The following CDC25C variants were observed in gnomAD, a reference collection of about 807,000 sequenced individuals.
CDC25C encodes the protein cell division cycle 25C, also known as M-phase inducer phosphatase 3.
A neutral mutation model predicts 52.5 loss-of-function variants in CDC25C; 48 were observed. The ratio of observed to expected loss-of-function variants is 0.91; its 90% CI spans 0.72 to 1.16. CDC25C has a LOEUF of 1.16. Ranked by LOEUF, CDC25C falls within the 50% of genes most tolerant of loss-of-function variation. The pLI is 0.00. For missense variants in CDC25C, 510 were observed against 566.1 expected (o/e 0.90, Z 1.01); for synonymous variants, 187 against 206.5 (o/e 0.91, Z 0.81).
intron 3 of CDC25C, 93 bp downstream of exon 3, chr5:138,329,460 T>A (rs1195564632): frequency 1.4e-5 from 12 of 831,806 alleles, no homozygotes; most frequent in Non-Finnish European, 2.4e-5. Flanking sequence ...ATTCTTTTTA[T>A]ACTTTCACCA....
chr5:138,301,127 T>C (rs982853087), intron 7 of CDC25C, among the ~76,000 whole-genome samples: 1 of 152,020 alleles, frequency 6.6e-6, no homozygotes, highest in African/African-American at 2.4e-5. Flanking sequence ...ATCAATGGAA[T>C]AGAAAACAGA....
chr5:138,312,027 T>C (rs1413565799), intron 7 of CDC25C, among the ~76,000 whole-genome samples: 3 of 152,156 alleles, frequency 2.0e-5, no homozygotes, highest in African/African-American at 7.2e-5. Flanking sequence ...ATCAGATGGA[T>C]AGTATCAAAA....
chr5:138,296,132 T>C (rs1249459343), intron 7 of CDC25C, among the ~76,000 whole-genome samples: 1 of 152,238 alleles, frequency 6.6e-6, no homozygotes, highest in African/African-American at 2.4e-5. Context: ...GTCACTTCTC[T>C]AGCCACATTA....
chr5:138,313,104 G>A (rs1389384752), intron 7 of CDC25C, among the ~76,000 whole-genome samples: 1 of 151,936 alleles, frequency 6.6e-6, no homozygotes, highest in Non-Finnish European at 1.5e-5. Flanking sequence ...GGGGCCAGGT[G>A]CAGTGGCTCA....
upstream of CDC25C, among the ~76,000 whole-genome samples, chr5:138,332,512 A>G (rs1240568389): frequency 6.6e-6 from 1 of 152,202 alleles, no homozygotes; most frequent in Non-Finnish European, 1.5e-5. Flanking sequence ...TCCTTATCGC[A>G]ATCCAGAGGA....
At chr5:138,338,263 C>T (rs748658598) in exon 1 of CDC25C, 2 of 1,013,530 alleles carry the variant, frequency 2.0e-6, no homozygotes, top group Non-Finnish European at 2.7e-6. Flanking sequence ...GAACCGAGCG[C>T]TCAGAGCTGC....
chr5:138,298,226 C>G (rs534121005), intron 7 of CDC25C, among the ~76,000 whole-genome samples: 1 of 150,698 alleles, frequency 6.6e-6, no homozygotes, highest in Non-Finnish European at 1.5e-5. Context: ...GTTGTGAACT[C>G]CTGGGGCTCA....
At chr5:138,292,387 C>T (rs1756807839) in intron 7 of CDC25C, among the ~76,000 whole-genome samples, 1 of 149,214 alleles carries the variant, frequency 6.7e-6, no homozygotes, top group Admixed American at 6.9e-5. Context: ...GACGTCTTAA[C>T]TAGCCAAACC....
chr5:138,329,481 C>A (rs540478280), intron 3 of CDC25C, 72 bp downstream of exon 3: 1 of 987,522 alleles, frequency 1.0e-6, no homozygotes, highest in Non-Finnish European at 1.6e-6. Flanking sequence ...CCTTCCGTCT[C>A]TATCCTCCTT....
chr5:138,297,077 AT>A, intron 7 of CDC25C, among the ~76,000 whole-genome samples: 1 of 147,756 alleles, frequency 6.8e-6, no homozygotes, highest in East Asian at 2.0e-4. Flanking sequence ...CGCCAGGCTA[AT>A]TTTTTTGTAT....
chr5:138,328,670 C>T, intron 3 of CDC25C, 141 bp from the exon 4 acceptor site: 1 of 674,546 alleles, frequency 1.5e-6, no homozygotes, highest in Non-Finnish European at 2.7e-6. Flanking sequence ...TCGATTGGTA[C>T]CCATTTCATG....
chr5:138,290,788 G>T (rs778259335), intron 8 of CDC25C, 48 bp from the exon 9 acceptor site: 2 of 1,190,436 alleles, frequency 1.7e-6, no homozygotes, highest in Admixed American at 1.7e-5. Flanking sequence ...CATGTTAAAG[G>T]TTTAAAAACC....
chr5:138,316,806 G>T (rs1229862391), intron 7 of CDC25C, among the ~76,000 whole-genome samples: 11 of 152,118 alleles, frequency 7.2e-5, no homozygotes, highest in Admixed American at 5.2e-4. Context: ...TCTCTGCTGA[G>T]AGCTGAATAC....
rs752076059 is a variant in CDC25C, at chr5:138,292,025, G to A, written c.707C>T (p.Thr236Ile). ...CTTTTTTTTAACTTTATCTGGTATT[G>A]TGTTGTCCTTGAATTTTTCCACCTG... ...LKQVEKFKDN[T>I]IPDKVKKKYF... is the part of the protein sequence containing the mutation. Residue 236 changes from threonine to isoleucine, a missense_variant, in exon 8 of 14, where the codon ACA becomes ATA. By Grantham distance (89) the Thr-to-Ile change is moderately conservative (BLOSUM62 -1). Transcript: ENST00000323760. The A allele has an allele frequency of 4.3e-6, 7 of 1,613,238 alleles. No homozygotes were observed. The Admixed American group carries it at 1.2e-4, about 27-fold the overall frequency.
upstream of CDC25C, chr5:138,338,331 G>A (rs1186716371): frequency 2.1e-6 from 1 of 465,764 alleles, no homozygotes; most frequent in Non-Finnish European, 4.0e-6. Context: ...GGCAGGTGGC[G>A]CTGGGGCCTC....
At chr5:138,303,513 C>T (rs1757783720) in intron 7 of CDC25C, among the ~76,000 whole-genome samples, 1 of 152,204 alleles carries the variant, frequency 6.6e-6, no homozygotes, top group Non-Finnish European at 1.5e-5. Context: ...CACTGGCCTT[C>T]TTGCTGTCCC....
rs751460155 is a variant in CDC25C at position 138,319,387 on chromosome 5, T to C, written c.460-13A>G. ...AGTTTCCATTGTCCTGTCAAGTATA[T>C]TGACAACATTAAAAACTATTCAAAA... On this transcript the variant is annotated splice_polypyrimidine_tract_variant and intron_variant, in intron 6 of 13. Transcript: ENST00000323760. 1.3e-6 allele frequency: 2 copies of C among 1,594,716 alleles called. No individual in the cohort carries two copies. The highest frequency in any genetic ancestry group is 1.7e-6 in the Non-Finnish European group (2 of 1,169,928).
At chr5:138,314,603 C>CTTT (rs907033621) in intron 7 of CDC25C, among the ~76,000 whole-genome samples, 5 of 114,712 alleles carry the variant, frequency 4.4e-5, no homozygotes, top group Admixed American at 9.2e-5. Context: ...GCCTATAGCA[C>CTTT]TTTTTTTTTT....
intron 8 of CDC25C, among the ~76,000 whole-genome samples, chr5:138,291,280 C>G (rs1756688422): frequency 6.6e-6 from 1 of 152,000 alleles, no homozygotes; most frequent in African/African-American, 2.4e-5. Context: ...TTGCTTTCCA[C>G]AAAACCAACC....
Sources: allele counts gnomAD v4.1 joint callset (sites outside exome capture counted in the v4.1 genomes callset), GRCh38; gene constraint gnomAD v4.1.1; transcripts MANE v1.5; gene names NCBI Gene and HGNC (gene_info 2026-07-23, HGNC 2026-07-21).